GRID2: variants seen among roughly 807,000 people sequenced by gnomAD.
The protein encoded by GRID2 is glutamate receptor ionotropic, delta-2.
GRID2 carries 33 observed loss-of-function variants against 114.8 expected under a neutral mutation model. The ratio of observed to expected loss-of-function variants is 0.29; its 90% CI spans 0.22 to 0.38. The LOEUF (loss-of-function observed/expected upper bound fraction) is 0.38, where lower values mean the gene tolerates loss of function less well. Ranked by LOEUF, GRID2 falls within the 10% of genes least tolerant of loss-of-function variation. The probability of loss-of-function intolerance (pLI) is 1.00; values close to 1 mark genes in which losing one functional copy is unlikely to be tolerated. For missense variants in GRID2, 1,184 were observed against 1,257.7 expected (o/e 0.94, Z 0.89); for synonymous variants, 505 against 449.9 (o/e 1.12, Z -1.55).
intron 1 of GRID2, among the ~76,000 whole-genome samples, chr4:92,385,502 A>G (rs1484580522): frequency 6.6e-6 from 1 of 151,732 alleles, no homozygotes. Context: ...TTTTTCCTAC[A>G]ACCATGTTAA....
chr4:92,418,413 G>A (rs1413133846), intron 1 of GRID2, among the ~76,000 whole-genome samples: 4 of 152,050 alleles, frequency 2.6e-5, no homozygotes, highest in Non-Finnish European at 4.4e-5. Flanking sequence ...CAAGGATGGG[G>A]TGGGAGTGGT....
At chr4:92,800,224 A>C (rs1202873534) in intron 2 of GRID2, among the ~76,000 whole-genome samples, 1 of 151,942 alleles carries the variant, frequency 6.6e-6, no homozygotes, top group Non-Finnish European at 1.5e-5. Context: ...CACCCTTCTG[A>C]AGTTAGACTA....
intron 13 of GRID2, among the ~76,000 whole-genome samples, chr4:93,615,846 C>G (rs1213499464): frequency 1.3e-5 from 2 of 151,752 alleles, no homozygotes; most frequent in Non-Finnish European, 2.9e-5. Flanking sequence ...TCAGTTCATC[C>G]TTTTTTATAC....
chr4:93,362,678 C>T (rs1761985747), intron 8 of GRID2, among the ~76,000 whole-genome samples: 1 of 151,992 alleles, frequency 6.6e-6, no homozygotes, highest in South Asian at 2.1e-4. Context: ...AATTGCTCCT[C>T]TTCTCAGGCC....
intron 2 of GRID2, among the ~76,000 whole-genome samples, chr4:92,778,360 C>T (rs145590941): frequency 1.3e-4 from 20 of 152,142 alleles, no homozygotes; most frequent in South Asian, 6.2e-4. Context: ...TTACATCCCT[C>T]GTATTCTTCA....
At chr4:93,416,607 A>G (rs1767734084) in intron 9 of GRID2, among the ~76,000 whole-genome samples, 1 of 152,050 alleles carries the variant, frequency 6.6e-6, no homozygotes, top group African/African-American at 2.4e-5. Context: ...GCTTGTACCT[A>G]TCAAAAATGT....
intron 2 of GRID2, among the ~76,000 whole-genome samples, chr4:92,785,152 C>A (rs1739258536): frequency 6.8e-6 from 1 of 147,240 alleles, no homozygotes; most frequent in African/African-American, 2.5e-5. Context: ...CATTTCCAGA[C>A]AAAATCCAAA....
intron 10 of GRID2, among the ~76,000 whole-genome samples, chr4:93,428,170 G>A (rs1769035070): frequency 6.6e-6 from 1 of 152,016 alleles, no homozygotes; most frequent in African/African-American, 2.4e-5. Context: ...CTTTCCAAGG[G>A]CAAGCCAGTA....
intron 2 of GRID2, among the ~76,000 whole-genome samples, chr4:92,967,874 G>A (rs1379802483): frequency 1.3e-5 from 2 of 151,816 alleles, no homozygotes; most frequent in African/African-American, 4.8e-5. Context: ...CCTCCACTCC[G>A]AAGTAATCTC....
At chr4:92,596,360 A>T (rs1728953446) in intron 2 of GRID2, among the ~76,000 whole-genome samples, 1 of 152,018 alleles carries the variant, frequency 6.6e-6, no homozygotes. Flanking sequence ...TTAACTCTGG[A>T]CCATCTACAT....
chr4:93,146,483 T>C (rs1196600317), intron 4 of GRID2, among the ~76,000 whole-genome samples: 1 of 152,176 alleles, frequency 6.6e-6, no homozygotes, highest in Non-Finnish European at 1.5e-5. Flanking sequence ...TCATGTGTGA[T>C]CTTCTTAAAA....
At chr4:92,422,798 C>G (rs191036485) in intron 1 of GRID2, among the ~76,000 whole-genome samples, 236 of 152,230 alleles carry the variant, frequency 1.6e-3, no homozygotes, top group Non-Finnish European at 2.1e-3. Context: ...TTGTTAGTCC[C>G]GCAAAAGCAG....
intron 8 of GRID2, among the ~76,000 whole-genome samples, chr4:93,382,370 G>T (rs1262024550): frequency 6.6e-6 from 1 of 151,846 alleles, no homozygotes; most frequent in African/African-American, 2.4e-5. Flanking sequence ...GCATCTGTTT[G>T]TCCACTTGAT....
chr4:93,303,327 T>C (rs2149171884), intron 8 of GRID2, among the ~76,000 whole-genome samples: 1 of 152,276 alleles, frequency 6.6e-6, no homozygotes, highest in Admixed American at 6.5e-5. Flanking sequence ...AAACGGAGCA[T>C]TGTTCCAGAG....
At chr4:93,363,737 A>G (rs988046529) in intron 8 of GRID2, among the ~76,000 whole-genome samples, 1 of 152,050 alleles carries the variant, frequency 6.6e-6, no homozygotes, top group Non-Finnish European at 1.5e-5. Context: ...CAATACTACA[A>G]CAATCTGTTT....
At chr4:92,982,216 A>G (rs1754265577) in intron 2 of GRID2, among the ~76,000 whole-genome samples, 3 of 151,956 alleles carry the variant, frequency 2.0e-5, no homozygotes, top group Admixed American at 2.0e-4. Context: ...CAAACTAGAT[A>G]GTGTCAAATT....
At chr4:92,986,086 TG>T (rs1754496218) in intron 2 of GRID2, among the ~76,000 whole-genome samples, 1 of 152,178 alleles carries the variant, frequency 6.6e-6, no homozygotes, top group Non-Finnish European at 1.5e-5. Context: ...TATATTTGCT[TG>T]GGGACATGGA....
intron 14 of GRID2, among the ~76,000 whole-genome samples, chr4:93,685,251 A>G (rs1273909499): frequency 6.6e-6 from 1 of 152,040 alleles, no homozygotes; most frequent in Non-Finnish European, 1.5e-5. Context: ...TGTTCTGAGG[A>G]CAATCTCAAA....
At chr4:93,578,560 G>GA (rs1736637816) in intron 13 of GRID2, among the ~76,000 whole-genome samples, 1 of 145,978 alleles carries the variant, frequency 6.9e-6, no homozygotes, top group African/African-American at 2.6e-5. Context: ...ACAAACTCCA[G>GA]AAAAAGAACC....
Sources: gnomAD v4.1 joint callset for allele counts (sites outside exome capture counted in the v4.1 genomes callset) on GRCh38, gnomAD v4.1.1 for gene constraint, MANE v1.5 for transcripts, NCBI Gene and HGNC (gene_info 2026-07-23, HGNC 2026-07-21) for gene names.